Variants in GPSM2 observed in about 807,000 individuals in gnomAD.
The protein encoded by GPSM2 is G protein-signaling modulator 2.
In GPSM2, 58 loss-of-function variants were observed where a neutral mutation model predicts 78.4. That is an observed-to-expected ratio of 0.74 (90% CI 0.60 to 0.92). GPSM2 has a LOEUF of 0.92. GPSM2 is among the 40% of genes least tolerant of loss of function. The probability of loss-of-function intolerance (pLI) is 0.00; values close to 1 mark genes in which losing one functional copy is unlikely to be tolerated. For missense variants in GPSM2, 700 were observed against 815.5 expected (o/e 0.86, Z 1.73); for synonymous variants, 224 against 280.2 (o/e 0.80, Z 2.00).
At position 108,898,607 on chromosome 1, in the gene GPSM2, A is replaced by C. The variant is rs753966257; in HGVS notation, c.558-35A>C. On this transcript the variant is annotated intron_variant, in intron 5 of 14. Coordinates refer to ENST00000264126, the MANE Select transcript of GPSM2 (RefSeq NM_013296.5). ...ATCACATACATAAAATTGTTCTGCA[A>C]ACTTATTTTTTCATCACTTTTTGCG... 3 of 1,609,594 alleles carry C rather than the reference A, an allele frequency of 1.9e-6. No homozygotes were observed. In the East Asian group the frequency reaches 6.7e-5, roughly 36 times the overall value.
At chr1:108,879,200 C>G (rs1289896077) in intron 1 of GPSM2, among the ~76,000 whole-genome samples, 4 of 152,148 alleles carry the variant, frequency 2.6e-5, no homozygotes, top group African/African-American at 9.7e-5. Flanking sequence ...GAGTTTCTTA[C>G]ATAAATATGA....
At chr1:108,889,621 T>A (rs1248630713) in intron 2 of GPSM2, among the ~76,000 whole-genome samples, 1 of 152,212 alleles carries the variant, frequency 6.6e-6, no homozygotes, top group Non-Finnish European at 1.5e-5. Context: ...CCTAATTAGA[T>A]GGGGAGGAAA....
intron 13 of GPSM2, among the ~76,000 whole-genome samples, chr1:108,922,830 G>A (rs999580765): frequency 7.2e-5 from 11 of 152,078 alleles, no homozygotes; most frequent in African/African-American, 2.4e-4. Context: ...AAAATCTGTT[G>A]TGGAAAATGT....
intron 2 of GPSM2, among the ~76,000 whole-genome samples, chr1:108,887,354 A>C (rs1359131602): frequency 1.3e-5 from 2 of 152,130 alleles, no homozygotes; most frequent in East Asian, 3.9e-4. Context: ...GTAGAGCTCA[A>C]GGTTTTGAGA....
intron 10 of GPSM2, among the ~76,000 whole-genome samples, chr1:108,906,227 C>T (rs1649207084): frequency 6.6e-6 from 1 of 151,986 alleles, no homozygotes. Context: ...TCCCTTTCTA[C>T]TTTTATTTAT....
chr1:108,914,025 A>C (rs1472159479), intron 10 of GPSM2, among the ~76,000 whole-genome samples: 1 of 152,174 alleles, frequency 6.6e-6, no homozygotes, highest in African/African-American at 2.4e-5. Context: ...TTATTTTTGA[A>C]ACTGTGTGGA....
rs765590962 is a variant in GPSM2, at chr1:108,918,607, T to C, written c.1264-6T>C. 3.9e-5 allele frequency: 63 copies of C among 1,609,378 alleles called. No homozygotes were observed. Among genetic ancestry groups the C allele is most frequent in the Admixed American group, 3.2e-4 (19 of 59,996 alleles). On this transcript the variant is annotated splice_region_variant and splice_polypyrimidine_tract_variant and intron_variant, in intron 11 of 14. Transcript: ENST00000264126. ...ATTCACCTGCCTTCCATTTATAATT[T>C]TGTAGGTACAGAACTGGAACAGTGA... is the stretch of plus-strand genomic sequence containing the variant.
At chr1:108,903,350 T>C (rs1648953509) in intron 9 of GPSM2, 116 bp downstream of exon 9, 1 of 671,266 alleles carries the variant, frequency 1.5e-6, no homozygotes, top group East Asian at 2.8e-5. Context: ...TTTGATTATA[T>C]ATCATTCTCT....
rs754645910 is a variant in GPSM2, at chr1:108,929,804, G to A, written c.1919G>A (p.Gly640Glu). 1.9e-6 allele frequency: 3 copies of A among 1,614,096 alleles called. No homozygotes were observed. The highest frequency in any genetic ancestry group is 2.2e-5 in the South Asian group (2 of 91,078). ...DFFSLILRSQGKRMDEQRVLL... is the reference protein window; with the variant it reads ...DFFSLILRSQEKRMDEQRVLL... ...TTCAGCCTTATTTTACGGTCCCAGGGAAAGAGAATGGATGAACAGAGAGTT... is the reference window on the plus strand; with the variant it reads ...TTCAGCCTTATTTTACGGTCCCAGGAAAAGAGAATGGATGAACAGAGAGTT... Residue 640 changes from glycine to glutamate, a missense_variant, in exon 15 of 15, where the codon GGA becomes GAA. By Grantham distance (98) the Gly-to-Glu change is moderately conservative. Coordinates refer to ENST00000264126, the MANE Select transcript of GPSM2 (RefSeq NM_013296.5).
chr1:108,880,208 A>G (rs1557851308), intron 1 of GPSM2, among the ~76,000 whole-genome samples: 2 of 152,358 alleles, frequency 1.3e-5, no homozygotes, highest in East Asian at 3.9e-4. Context: ...CATGTTTAAT[A>G]TATTTTCCTA....
chr1:108,905,904 T>G (rs1205399376), intron 10 of GPSM2, among the ~76,000 whole-genome samples: 1 of 152,222 alleles, frequency 6.6e-6, no homozygotes, highest in Non-Finnish European at 1.5e-5. Context: ...AATTAAAATG[T>G]AGAGAGCCGC....
chr1:108,901,755 A>G lies in GPSM2; in HGVS notation c.798-35A>G, dbSNP rs1429334300. ...GTGATTCTTAAAGCCCAAACTGAGA[A>G]TGATCATTATATAAGAATTAATTTC... On this transcript the variant is annotated intron_variant, in intron 7 of 14. Coordinates refer to ENST00000264126, the MANE Select transcript of GPSM2 (RefSeq NM_013296.5). 5.3e-6 allele frequency: 8 copies of G among 1,520,126 alleles called. No homozygotes were observed. In the East Asian group the frequency reaches 1.1e-4, roughly 21 times the overall value. The allele number at this position is 1,520,126 out of a possible 1,614,324, so 94.2% of individuals were successfully genotyped here.
Position 108,914,410 on chromosome 1 carries a change from T to G in GPSM2, c.1263+2T>G. 1 of 1,597,338 alleles carries G rather than the reference T, an allele frequency of 6.3e-7. No homozygotes were observed. The highest frequency in any genetic ancestry group is 8.6e-7 in the Non-Finnish European group (1 of 1,165,390). On this transcript the variant is annotated splice_donor_variant, in intron 11 of 14. Coordinates refer to ENST00000264126, the MANE Select transcript of GPSM2 (RefSeq NM_013296.5). LOFTEE classifies it high-confidence loss of function. ...CTTATGAAGTTAACACCAGAAAAGGTGGGTGGCAGGTTTTATGTTTTAAAT... is the reference window on the plus strand; with the variant it reads ...CTTATGAAGTTAACACCAGAAAAGGGGGGTGGCAGGTTTTATGTTTTAAAT...
At chr1:108,899,147 G>T (rs910707597) in intron 7 of GPSM2, among the ~76,000 whole-genome samples, 153 bp downstream of exon 7, 6 of 152,090 alleles carry the variant, frequency 3.9e-5, no homozygotes, top group African/African-American at 1.4e-4. Context: ...CTTCATTTTG[G>T]GGAATGCTGT....
chr1:108,901,786 G>T lies in GPSM2; in HGVS notation c.798-4G>T. 6.2e-7 allele frequency: 1 copy of T among 1,604,682 alleles called. No homozygotes were observed. ...ATTATATAAGAATTAATTTCTTCTT[G>T]TAGGAAGACACTACTGTTGGCCCGA... is the stretch of plus-strand genomic sequence containing the variant. On this transcript the variant is annotated splice_polypyrimidine_tract_variant and splice_region_variant and intron_variant, in intron 7 of 14. Coordinates refer to ENST00000264126, the MANE Select transcript of GPSM2 (RefSeq NM_013296.5).
In GPSM2 at chr1:108,931,171, AAAC is replaced by A; in HGVS notation, c.*1234_*1236del. On this transcript the variant is annotated 3_prime_UTR_variant, in exon 15 of 15. Coordinates refer to ENST00000264126, the MANE Select transcript of GPSM2 (RefSeq NM_013296.5). ...TTCTAAGTTCTAATATAAAAACAAA[AAAC>A]AAAACCCATGTGGTTAGGTCAAGAA... 1 of 809,806 alleles carries A rather than the reference AAAC, an allele frequency of 1.2e-6. No individual in the cohort carries two copies. Among genetic ancestry groups the A allele is most frequent in the Non-Finnish European group, 1.8e-6 (1 of 557,682 alleles). The allele number at this position is 809,806 out of a possible 1,614,324, so 50.2% of individuals were successfully genotyped here. A position where few individuals can be genotyped will look rare whatever the true frequency, so the allele number is the denominator to read the frequency against.
At chr1:108,912,533 C>T (rs1649830056) in intron 10 of GPSM2, among the ~76,000 whole-genome samples, 2 of 148,328 alleles carry the variant, frequency 1.3e-5, no homozygotes, top group Admixed American at 1.4e-4. Flanking sequence ...CGCTTGCATC[C>T]AGCAGTCAAG....
chr1:108,899,116 C>T, intron 7 of GPSM2, 122 bp downstream of exon 7: 1 of 685,252 alleles, frequency 1.5e-6, no homozygotes, highest in South Asian at 1.6e-5. Flanking sequence ...ATTTCCTTAT[C>T]TGTAACAGAA....
intron 10 of GPSM2, among the ~76,000 whole-genome samples, chr1:108,907,856 C>G (rs1018678847): frequency 6.6e-6 from 1 of 152,196 alleles, no homozygotes; most frequent in Non-Finnish European, 1.5e-5. Context: ...CTTAGTCACT[C>G]TGGCTCCAGA....
Sources: allele counts gnomAD v4.1 joint callset (sites outside exome capture counted in the v4.1 genomes callset), GRCh38; gene constraint gnomAD v4.1.1; transcripts MANE v1.5; gene names NCBI Gene and HGNC (gene_info 2026-07-23, HGNC 2026-07-21).